The following ANKRD12 variants were observed in gnomAD, a reference collection of about 807,000 sequenced individuals.
The protein encoded by ANKRD12 is ankyrin repeat domain 12, also known as ankyrin repeat domain-containing protein 12.
In ANKRD12, 85 loss-of-function variants were observed where a neutral mutation model predicts 183.4. The ratio of observed to expected loss-of-function variants is 0.46; its 90% CI spans 0.39 to 0.56. ANKRD12 has a LOEUF of 0.56. Among genes scored for constraint, ANKRD12 ranks in the 20% least tolerant of loss-of-function variants. ANKRD12 has a pLI of 0.00. For missense variants in ANKRD12, 2,405 were observed against 2,357.1 expected (o/e 1.02, Z -0.42); for synonymous variants, 914 against 800.2 (o/e 1.14, Z -2.40).
At chr18:9,245,120 T>C (rs2037882751) in intron 8 of ANKRD12, among the ~76,000 whole-genome samples, 1 of 152,056 alleles carries the variant, frequency 6.6e-6, no homozygotes, top group South Asian at 2.1e-4. Flanking sequence ...ATTCCCAATG[T>C]AAAGATAGTT....
chr18:9,170,094 A>G (rs2032537554), intron 1 of ANKRD12, among the ~76,000 whole-genome samples: 1 of 152,218 alleles, frequency 6.6e-6, no homozygotes, highest in Non-Finnish European at 1.5e-5. Context: ...TGTTAGTCTG[A>G]TGGGCTTGCC....
intron 1 of ANKRD12, among the ~76,000 whole-genome samples, chr18:9,160,877 A>G (rs1215896738): frequency 6.6e-6 from 1 of 152,238 alleles, no homozygotes; most frequent in Non-Finnish European, 1.5e-5. Context: ...TTGAAATGAA[A>G]GAAATCATTT....
intron 8 of ANKRD12, among the ~76,000 whole-genome samples, chr18:9,253,942 C>G (rs894525164): frequency 1.3e-5 from 2 of 152,146 alleles, no homozygotes; most frequent in African/African-American, 2.4e-5. Flanking sequence ...TGTTTTTATA[C>G]TATATATTGT....
intron 2 of ANKRD12, among the ~76,000 whole-genome samples, chr18:9,190,405 C>G (rs1266295780): frequency 6.6e-6 from 1 of 152,300 alleles, no homozygotes; most frequent in African/African-American, 2.4e-5. Context: ...GGAATCTACT[C>G]TTGGTGAAGA....
chr18:9,178,984 A>G (rs961883593), intron 1 of ANKRD12, among the ~76,000 whole-genome samples: 2 of 152,162 alleles, frequency 1.3e-5, no homozygotes, highest in African/African-American at 4.8e-5. Flanking sequence ...TCACATATTC[A>G]CCATGTATTC....
intron 8 of ANKRD12, among the ~76,000 whole-genome samples, chr18:9,244,594 G>C (rs2037848446): frequency 6.6e-6 from 1 of 152,184 alleles, no homozygotes; most frequent in Admixed American, 6.5e-5. Context: ...CAAGAAAAGA[G>C]TAGTTCCTAG....
At chr18:9,207,695 T>G (rs563239589) in intron 4 of ANKRD12, among the ~76,000 whole-genome samples, 3 of 152,272 alleles carry the variant, frequency 2.0e-5, no homozygotes, top group African/African-American at 7.2e-5. Flanking sequence ...GAATATTCTT[T>G]ATTTTACTTA....
At chr18:9,273,949 A>G (rs539381173) in intron 10 of ANKRD12, among the ~76,000 whole-genome samples, 1 of 152,360 alleles carries the variant, frequency 6.6e-6, no homozygotes, top group African/African-American at 2.4e-5. Context: ...ACGTGGCAAA[A>G]CCTGAGTGAT....
Position 9,221,967 on chromosome 18 carries a change from T to G in ANKRD12, c.911T>G (p.Val304Gly), listed in dbSNP as rs1484150564. ...EELELLLKRE[V>G]PLSDDDESYT... ...TTGGAGTTGCTACTAAAAAGAGAGG[T>G]GCCTTTATCTGATGATGATGAAAGT... The change falls in exon 8 of 13, where the codon GTG becomes GGG. Residue 304 changes from valine to glycine, a missense_variant. By Grantham distance (109) the Val-to-Gly change is moderately radical (BLOSUM62 -3). This residue lies in a region of ANKRD12 where 1,983 missense variants were observed against 1,725.9 expected (regional missense o/e 1.15). Coordinates refer to ENST00000262126, the MANE Select transcript of ANKRD12 (RefSeq NM_015208.5). The G allele has an allele frequency of 6.2e-7, 1 of 1,613,782 alleles. No homozygotes were observed. The highest frequency in any genetic ancestry group is 1.3e-5 in the African/African-American group (1 of 74,874).
At chr18:9,197,570 CAT>C (rs1451971996) in intron 3 of ANKRD12, among the ~76,000 whole-genome samples, 5 of 152,162 alleles carry the variant, frequency 3.3e-5, no homozygotes, top group South Asian at 4.1e-4. Context: ...TCAATTAACA[CAT>C]CTTTTGTGTG....
At chr18:9,142,073 T>C (rs573521103) in intron 1 of ANKRD12, among the ~76,000 whole-genome samples, 2 of 152,202 alleles carry the variant, frequency 1.3e-5, no homozygotes, top group Non-Finnish European at 2.9e-5. Flanking sequence ...TATAGTCTCT[T>C]ATTGTAACAA....
chr18:9,250,947 G>A (rs1036904583), intron 8 of ANKRD12, among the ~76,000 whole-genome samples: 1 of 152,172 alleles, frequency 6.6e-6, no homozygotes, highest in East Asian at 1.9e-4. Context: ...GTTGTAAGGA[G>A]TCCAGGAATA....
chr18:9,207,600 G>A (rs1442462581), intron 4 of ANKRD12, among the ~76,000 whole-genome samples: 1 of 151,838 alleles, frequency 6.6e-6, no homozygotes, highest in Non-Finnish European at 1.5e-5. Flanking sequence ...TTCTTTTAGA[G>A]TATTTTAGCT....
intron 1 of ANKRD12, among the ~76,000 whole-genome samples, chr18:9,160,670 A>G (rs1232593711): frequency 6.6e-6 from 1 of 152,192 alleles, no homozygotes; most frequent in African/African-American, 2.4e-5. Flanking sequence ...ATCTTTTTTA[A>G]AAAGTATTCT....
At chr18:9,251,411 T>G (rs1018276256) in intron 8 of ANKRD12, among the ~76,000 whole-genome samples, 14 of 152,248 alleles carry the variant, frequency 9.2e-5, no homozygotes, top group Non-Finnish European at 1.8e-4. Context: ...GTTGCAAATA[T>G]CTGAAGTCGC....
At chr18:9,273,672 G>C (rs182539148) in intron 10 of ANKRD12, among the ~76,000 whole-genome samples, 2 of 152,242 alleles carry the variant, frequency 1.3e-5, no homozygotes, top group East Asian at 1.9e-4. Context: ...ACAAAAACTT[G>C]AGTGTGAACG....
chr18:9,187,852 A>C (rs1457589031), intron 2 of ANKRD12, among the ~76,000 whole-genome samples: 2 of 152,222 alleles, frequency 1.3e-5, no homozygotes, highest in African/African-American at 2.4e-5. Context: ...TAACCATCTG[A>C]ATAGTTCTGT....
chr18:9,241,598 T>C (rs1456474199), intron 8 of ANKRD12, among the ~76,000 whole-genome samples: 1 of 152,300 alleles, frequency 6.6e-6, no homozygotes, highest in African/African-American at 2.4e-5. Flanking sequence ...AAAAATTAAA[T>C]AGGCACTTAG....
In ANKRD12 at chr18:9,256,079, T is replaced by C. The variant is rs2038601169; in HGVS notation, c.2812T>C (p.Ser938Pro). 1 of 1,557,916 alleles carries C rather than the reference T, an allele frequency of 6.4e-7. No homozygotes were observed. The highest frequency in any genetic ancestry group is 1.2e-5 in the South Asian group (1 of 81,476). Residue 938 changes from serine to proline, a missense_variant, in exon 9 of 13, where the codon TCA becomes CCA. Around this residue, in one of 7 missense-constraint regions of ANKRD12, gnomAD observed 1,983 missense variants for 1,725.9 expected, o/e 1.15. Coordinates refer to ENST00000262126, the MANE Select transcript of ANKRD12 (RefSeq NM_015208.5). ...KHLMEKKNKQSDNSEYSKSEK... is the reference protein window; with the variant it reads ...KHLMEKKNKQPDNSEYSKSEK... ...CTTGATGGAGAAAAAAAATAAACAA[T>C]CAGATAATAGTGAATACAGTAAATC... is the stretch of plus-strand genomic sequence containing the variant.
Sources: allele counts gnomAD v4.1 joint callset (sites outside exome capture counted in the v4.1 genomes callset), GRCh38; gene constraint gnomAD v4.1.1; regional missense constraint gnomAD v4.1.1; transcripts MANE v1.5; gene names NCBI Gene and HGNC (gene_info 2026-07-23, HGNC 2026-07-21).